CHD1L: variants seen among roughly 807,000 people sequenced by gnomAD.
CHD1L encodes the protein ATP-dependent chromatin remodeler CHD1L.
CHD1L carries 118 observed loss-of-function variants against 115.9 expected under a neutral mutation model. The ratio of observed to expected loss-of-function variants is 1.02; its 90% CI spans 0.88 to 1.19. CHD1L has a LOEUF of 1.19. Ranked by LOEUF, CHD1L falls within the 50% of genes most tolerant of loss-of-function variation. The pLI is 0.00. For synonymous variants in CHD1L, 411 were observed against 387.1 expected (o/e 1.06, Z -0.72); for missense variants, 1,179 against 1,065.3 (o/e 1.11, Z -1.49).
At chr1:147,227,573 A>C in the CHD1L span, among the ~76,000 whole-genome samples, 3 of 152,224 alleles carry the variant, frequency 2.0e-5, no homozygotes, top group Non-Finnish European at 2.9e-5. Context: ...CTAGCTGACA[A>C]TTTGCAAGTA....
At chr1:147,231,166 A>G in the CHD1L span, among the ~76,000 whole-genome samples, 1 of 151,858 alleles carries the variant, frequency 6.6e-6, no homozygotes, top group Admixed American at 6.6e-5. Context: ...TTCCCTCTAC[A>G]CACTGCTTTC....
intron 12 of CHD1L, among the ~76,000 whole-genome samples, chr1:147,273,152 A>G (rs1450225305): frequency 6.6e-6 from 1 of 152,174 alleles, no homozygotes; most frequent in African/African-American, 2.4e-5. Flanking sequence ...GCAGTGAGCC[A>G]AGATTGCACC....
chr1:147,239,157 C>T (rs947801607), upstream of CHD1L, among the ~76,000 whole-genome samples: 3 of 152,100 alleles, frequency 2.0e-5, no homozygotes, highest in Admixed American at 6.6e-5. Flanking sequence ...AACTTTCTGC[C>T]TACTTTACTT....
At chr1:147,269,834 G>C (rs1226443027) in intron 10 of CHD1L, among the ~76,000 whole-genome samples, 1 of 152,114 alleles carries the variant, frequency 6.6e-6, no homozygotes, top group Non-Finnish European at 1.5e-5. Context: ...GACTGTCTTA[G>C]GTATGGCCTG....
At chr1:147,265,235 T>G (rs924818825) in intron 7 of CHD1L, among the ~76,000 whole-genome samples, 3 of 152,324 alleles carry the variant, frequency 2.0e-5, no homozygotes, top group South Asian at 2.1e-4. Context: ...GACCATAGAC[T>G]GAAGATCACC....
the CHD1L span, chr1:147,175,251 A>G: frequency 6.6e-6 from 1 of 152,218 alleles, no homozygotes; most frequent in Non-Finnish European, 1.5e-5. Context: ...TCCGAGTGAC[A>G]TAAAAACAAG....
chr1:147,191,610 A>G, the CHD1L span, among the ~76,000 whole-genome samples: 1 of 151,660 alleles, frequency 6.6e-6, no homozygotes, highest in Non-Finnish European at 1.5e-5. Flanking sequence ...GTAGGTTGTG[A>G]AAATTTTTTC....
At chr1:147,202,201 G>A in the CHD1L span, among the ~76,000 whole-genome samples, 2 of 151,640 alleles carry the variant, frequency 1.3e-5, no homozygotes, top group African/African-American at 4.9e-5. Context: ...CGTAGGATAC[G>A]GATACTGGAA....
chr1:147,274,633 C>A (rs945563272), intron 12 of CHD1L, among the ~76,000 whole-genome samples: 17 of 151,314 alleles, frequency 1.1e-4, no homozygotes, highest in African/African-American at 4.1e-4. Context: ...TAATTAATTC[C>A]TGTAACTCAA....
At position 147,267,531 on chromosome 1, in the gene CHD1L, C is replaced by G. The variant is rs374997816; in HGVS notation, c.988+13C>G. 58 of 1,589,640 alleles carry G rather than the reference C, an allele frequency of 3.6e-5. No homozygotes were observed. The highest frequency in any genetic ancestry group is 5.0e-5 in the Non-Finnish European group (58 of 1,162,818). ...TATTTGTTTGATGGTGAGACAGTGC[C>G]TTTTCCCCCCACATTATTCTTTGGT... On this transcript the variant is annotated intron_variant, in intron 9 of 22. Coordinates refer to ENST00000369258, the MANE Select transcript of CHD1L (RefSeq NM_004284.6).
At chr1:147,270,187 T>A (rs782234340) in intron 10 of CHD1L, among the ~76,000 whole-genome samples, 6 of 152,218 alleles carry the variant, frequency 3.9e-5, no homozygotes, top group Non-Finnish European at 7.3e-5. Flanking sequence ...ATTAAATAAG[T>A]TTTTATAATG....
chr1:147,232,773 T>C, the CHD1L span, among the ~76,000 whole-genome samples: 1 of 152,218 alleles, frequency 6.6e-6, no homozygotes, highest in African/African-American at 2.4e-5. Flanking sequence ...GGTGCCGGGA[T>C]TGCAGATGGT....
the CHD1L span, chr1:147,203,435 C>T: frequency 1.2e-6 from 1 of 842,110 alleles, no homozygotes; most frequent in African/African-American, 1.7e-5. Context: ...TCTAGAACAC[C>T]AGCTTCCAAC....
chr1:147,217,530 G>A, the CHD1L span, among the ~76,000 whole-genome samples: 2 of 152,174 alleles, frequency 1.3e-5, no homozygotes, highest in Non-Finnish European at 2.9e-5. Context: ...TTTGTTGTTT[G>A]TTGGCTTTGT....
chr1:147,210,194 G>A, the CHD1L span: 1 of 152,182 alleles, frequency 6.6e-6, no homozygotes, highest in African/African-American at 2.4e-5. Flanking sequence ...TCCAACCCAG[G>A]TCTGACTAAC....
the CHD1L span, chr1:147,209,027 C>G: frequency 6.2e-7 from 1 of 1,614,104 alleles, no homozygotes; most frequent in South Asian, 1.1e-5. Flanking sequence ...AGGATCCAAG[C>G]CCCTCTCCTG....
At chr1:147,198,765 G>C in the CHD1L span, among the ~76,000 whole-genome samples, 1 of 150,614 alleles carries the variant, frequency 6.6e-6, no homozygotes, top group Admixed American at 6.6e-5. Flanking sequence ...GCAGTAGAAT[G>C]GCCTGAACCC....
At chr1:147,279,443 A>G (rs1288919853) in intron 14 of CHD1L, among the ~76,000 whole-genome samples, 1 of 152,234 alleles carries the variant, frequency 6.6e-6, no homozygotes, top group African/African-American at 2.4e-5. Context: ...GCAATGCCAG[A>G]GGAACATCCA....
In CHD1L at chr1:147,286,280, G is replaced by T; in HGVS notation, c.2019-18G>T. ...TGATTGTCTGGGTTAATTTCCTTTT[G>T]TCTCTGGCCTGCTAAAGGATGGCCT... On this transcript the variant is annotated intron_variant, in intron 17 of 22. Coordinates refer to ENST00000369258, the MANE Select transcript of CHD1L (RefSeq NM_004284.6). 1.2e-6 allele frequency: 2 copies of T among 1,611,620 alleles called. No individual in the cohort carries two copies. The highest frequency in any genetic ancestry group is 8.5e-7 in the Non-Finnish European group (1 of 1,178,396).
Sources: allele counts gnomAD v4.1 joint callset (sites outside exome capture counted in the v4.1 genomes callset), GRCh38; gene constraint gnomAD v4.1.1; transcripts MANE v1.5; gene names NCBI Gene and HGNC (gene_info 2026-07-23, HGNC 2026-07-21).